LAMP3: variants seen among roughly 807,000 people sequenced by gnomAD.
The protein encoded by LAMP3 is lysosome-associated membrane glycoprotein 3.
LAMP3 carries 26 observed loss-of-function variants against 34.8 expected under a neutral mutation model. The ratio of observed to expected loss-of-function variants is 0.75; its 90% CI spans 0.55 to 1.04. The LOEUF is 1.04. Among genes scored for constraint, LAMP3 ranks in the 50% least tolerant of loss-of-function variants. The pLI, the probability that LAMP3 is intolerant of heterozygous loss-of-function variation, is 0.00. For missense variants in LAMP3, 495 were observed against 524.0 expected, an observed-to-expected ratio of 0.94 and a Z score of 0.54; for synonymous variants, 180 against 201.9, an observed-to-expected ratio of 0.89 and a Z score of 0.92.
intron 5 of LAMP3, among the ~76,000 whole-genome samples, chr3:183,129,319 C>T (rs948405089): frequency 5.9e-5 from 9 of 151,998 alleles, no homozygotes; most frequent in South Asian, 2.1e-4. Context: ...TCTTTTAATC[C>T]CAACTTCAAT....
At chr3:183,150,565 C>CTTTTTTTTTTTTTTTTTTTTT (rs10665288) in intron 3 of LAMP3, among the ~76,000 whole-genome samples, 1 of 86,092 alleles carries the variant, frequency 1.2e-5, no homozygotes, top group African/African-American at 4.2e-5. Context: ...GCCAAAGTGA[C>CTTTTTTTTTTTTTTTTTTTTT]TTTTTTTTTT....
At chr3:183,153,411 A>G (rs1387357855) in intron 2 of LAMP3, among the ~76,000 whole-genome samples, 1 of 152,168 alleles carries the variant, frequency 6.6e-6, no homozygotes, top group Non-Finnish European at 1.5e-5. Context: ...TGAACATTCT[A>G]CGACACTCTG....
intron 3 of LAMP3, among the ~76,000 whole-genome samples, chr3:183,148,575 A>C (rs942927356): frequency 6.6e-6 from 1 of 152,274 alleles, no homozygotes; most frequent in African/African-American, 2.4e-5. Context: ...ATAAAATGGC[A>C]TACAGGTCTA....
intron 5 of LAMP3, 89 bp from the exon 6 acceptor site, chr3:183,124,303 G>T (rs1179707581): frequency 4.7e-5 from 56 of 1,203,266 alleles, no homozygotes; most frequent in Non-Finnish European, 5.4e-5. Context: ...ATGAGCTTTG[G>T]CATCAAACAA....
At chr3:183,136,379 C>T (rs372457821) in intron 4 of LAMP3, among the ~76,000 whole-genome samples, 175 of 152,206 alleles carry the variant, frequency 1.1e-3, no homozygotes, top group African/African-American at 3.9e-3. Flanking sequence ...GGGCCAGGCG[C>T]GGTGGCTCAC....
At chr3:183,163,393 C>G (rs138217650), upstream of LAMP3, among the ~76,000 whole-genome samples, 30 of 152,006 alleles carry the variant, frequency 2.0e-4, no homozygotes, top group Non-Finnish European at 3.4e-4. Context: ...CTGGTTCAAG[C>G]GATTCTCCTG....
chr3:183,149,263 T>C (rs1183324532), intron 3 of LAMP3, among the ~76,000 whole-genome samples: 2 of 151,794 alleles, frequency 1.3e-5, no homozygotes, highest in Admixed American at 1.3e-4. Context: ...CAGAATGGGC[T>C]GGGCACGGTG....
chr3:183,135,608 G>T (rs890942063), intron 5 of LAMP3, 109 bp downstream of exon 5: 2 of 1,046,410 alleles, frequency 1.9e-6, no homozygotes, highest in Non-Finnish European at 2.9e-6. Flanking sequence ...ACCATCCCAG[G>T]AAGCTCATGA....
chr3:183,151,263 G>C (rs952292075), intron 3 of LAMP3, among the ~76,000 whole-genome samples: 23 of 152,214 alleles, frequency 1.5e-4, no homozygotes, highest in African/African-American at 5.3e-4. Context: ...CTCTTACTGG[G>C]GCTATTTGAA....
At position 183,154,388 on chromosome 3, in the gene LAMP3, AT is replaced by A; in HGVS notation, c.52del (p.Ile18PhefsTer8). 6.3e-7 allele frequency: 1 copy of A among 1,588,874 alleles called. No individual in the cohort carries two copies. On this transcript the variant is annotated frameshift_variant and splice_region_variant, in exon 2 of 6. Coordinates refer to ENST00000265598, the MANE Select transcript of LAMP3 (RefSeq NM_014398.4). LOFTEE classifies it high-confidence loss of function. ...TCTCATTTGACTGCCATCGTGCAAA[AT>A]TACTGAAAATTAGGAAATAAAAGTG... ...AAALFASLAVILHDGSQMRAK... is the reference protein window; with the variant it reads ...AAALFASLAVXLHDGSQMRAK...
At chr3:183,132,408 T>G in intron 5 of LAMP3, 1 of 974,192 alleles carries the variant, frequency 1.0e-6, no homozygotes, top group Non-Finnish European at 1.2e-6. Context: ...TAAAGTAATG[T>G]TTTTAAAAAC....
rs1422088354 is a variant in LAMP3 at position 183,139,463 on chromosome 3, C to T, written c.946+1075G>A. 3.9e-5 allele frequency among the ~76,000 whole-genome samples: 6 copies of T among 151,984 alleles called. No homozygotes were observed. The East Asian group carries it at 7.7e-4, about 20-fold the overall frequency. The stretch of plus-strand genomic sequence containing the variant: ...CCCCCTTATCCTTGGGGGATACAAC[C>T]CAAGACCCCCAGTGTACCAGTGTAT... On this transcript the variant is annotated intron_variant, in intron 4 of 5. Coordinates refer to ENST00000265598, the MANE Select transcript of LAMP3 (RefSeq NM_014398.4).
chr3:183,146,140 C>G (rs1232568368), intron 3 of LAMP3, among the ~76,000 whole-genome samples: 2 of 152,028 alleles, frequency 1.3e-5, no homozygotes, highest in Non-Finnish European at 2.9e-5. Flanking sequence ...TGATTTTTGC[C>G]TCCTAGGAGA....
chr3:183,149,788 T>G (rs1720574461), intron 3 of LAMP3, among the ~76,000 whole-genome samples: 1 of 151,822 alleles, frequency 6.6e-6, no homozygotes, highest in Admixed American at 6.6e-5. Context: ...CCTGATGTGA[T>G]TATTACACAT....
At chr3:183,135,943 A>G (rs1720073477) in intron 4 of LAMP3, 56 bp from the exon 5 acceptor site, 1 of 1,441,598 alleles carries the variant, frequency 6.9e-7, no homozygotes, top group African/African-American at 1.4e-5. Context: ...GCTGAGCTCC[A>G]GCTGTGGCCG....
At chr3:183,140,708 G>A in intron 3 of LAMP3, 113 bp from the exon 4 acceptor site, 3 of 693,350 alleles carry the variant, frequency 4.3e-6, no homozygotes, top group East Asian at 2.7e-5. Flanking sequence ...TAAGGGCTGG[G>A]GAGTTACTTG....
intron 5 of LAMP3, chr3:183,132,528 A>G (rs633815): frequency 0.92 from 909,254 of 985,160 alleles, 420,161 homozygotes; most frequent in Non-Finnish European, 0.93. Flanking sequence ...CAAGCACCCC[A>G]CTCATGTCTC....
rs556503485 is a variant in LAMP3, at chr3:183,149,914, C to T, written c.888+2461G>A. On this transcript the variant is annotated intron_variant, in intron 3 of 5. Transcript: ENST00000265598. Reference sequence around the variant, plus strand: ...AAATAAATTTAATAAAAAGTAAATGCGTAAGTTCCTGGGATAACTAAGGCC... The same window carrying T: ...AAATAAATTTAATAAAAAGTAAATGTGTAAGTTCCTGGGATAACTAAGGCC... Among the ~76,000 whole-genome samples, 11 of 152,026 alleles carry T rather than the reference C, an allele frequency of 7.2e-5. No individual in the cohort carries two copies. In the South Asian group the frequency reaches 2.1e-3, roughly 29 times the overall value.
rs772804560 is a variant in LAMP3, at chr3:183,154,153, G to T, written c.288C>A (p.Thr96=). ...CCAGGGTGTAGGTAATTGGGCTGGT[G>T]GTTGCAGTGTTTTTTGTAGTCGCTG... is the stretch of plus-strand genomic sequence containing the variant. ...TTPATTKNTA[T]TSPITYTLVT... The change falls in exon 2 of 6, where the codon ACC becomes ACA. Residue 96 remains threonine, a synonymous_variant. Coordinates refer to ENST00000265598, the MANE Select transcript of LAMP3 (RefSeq NM_014398.4). 1.9e-6 allele frequency: 3 copies of T among 1,613,814 alleles called. No individual in the cohort carries two copies. The highest frequency in any genetic ancestry group is 2.5e-6 in the Non-Finnish European group (3 of 1,179,888).
Sources: allele counts gnomAD v4.1 joint callset (sites outside exome capture counted in the v4.1 genomes callset), GRCh38; gene constraint gnomAD v4.1.1; transcripts MANE v1.5; gene names NCBI Gene and HGNC (gene_info 2026-07-23, HGNC 2026-07-21).